The following GLT8D2 variants were observed in gnomAD, a reference collection of about 807,000 sequenced individuals.
GLT8D2 encodes glycosyltransferase 8 domain containing 2.
Under a neutral mutation model 44.5 loss-of-function variants are expected in GLT8D2, and 45 were observed. The ratio of observed to expected loss-of-function variants is 1.01; its 90% CI spans 0.80 to 1.30. The LOEUF (loss-of-function observed/expected upper bound fraction) is 1.30, where lower values mean the gene tolerates loss of function less well. GLT8D2 is among the 50% of genes most tolerant of loss of function. The probability of loss-of-function intolerance (pLI) is 0.00; values close to 1 mark genes in which losing one functional copy is unlikely to be tolerated. For missense variants in GLT8D2, 400 were observed against 430.4 expected, an observed-to-expected ratio of 0.93 and a Z score of 0.62; for synonymous variants, 156 against 157.2, an observed-to-expected ratio of 0.99 and a Z score of 0.06.
At chr12:103,998,898 A>G (rs1593530653) in intron 6 of GLT8D2, among the ~76,000 whole-genome samples, 2 of 152,236 alleles carry the variant, frequency 1.3e-5, no homozygotes, top group East Asian at 3.8e-4. Flanking sequence ...GAACTCTTGC[A>G]GTAAAATACC....
At chr12:104,030,629 A>ATATACCTGTAATATATTT in intron 1 of GLT8D2, 1 of 1,242,056 alleles carries the variant, frequency 8.1e-7, no homozygotes, top group Non-Finnish European at 1.1e-6. Flanking sequence ...ATTATTTACA[A>ATATACCTGTAATATATTT]ACCATATACC....
chr12:104,002,551 AT>A (rs2136297601), intron 5 of GLT8D2, among the ~76,000 whole-genome samples: 1 of 152,282 alleles, frequency 6.6e-6, no homozygotes, highest in South Asian at 2.1e-4. Context: ...CCAAACCAAG[AT>A]TTTACAATTA....
At chr12:104,059,366 T>G (rs1882435337) in intron 1 of GLT8D2, among the ~76,000 whole-genome samples, 1 of 152,212 alleles carries the variant, frequency 6.6e-6, no homozygotes, top group Non-Finnish European at 1.5e-5. Context: ...GGAGCTGCTC[T>G]ACTTCACTAA....
chr12:104,062,350 G>A (rs1231280263), intron 1 of GLT8D2, among the ~76,000 whole-genome samples: 1 of 152,090 alleles, frequency 6.6e-6, no homozygotes, highest in African/African-American at 2.4e-5. Flanking sequence ...TGGGATTACA[G>A]GTGTGAGCCA....
chr12:104,020,193 A>T (rs776035681), intron 2 of GLT8D2, among the ~76,000 whole-genome samples: 4 of 152,078 alleles, frequency 2.6e-5, no homozygotes, highest in Non-Finnish European at 4.4e-5. Flanking sequence ...AAGTGCTGGG[A>T]TTATAGATGT....
upstream of GLT8D2, among the ~76,000 whole-genome samples, chr12:104,050,850 T>G (rs1184912882): frequency 2.7e-5 from 4 of 150,452 alleles, no homozygotes; most frequent in Non-Finnish European, 4.4e-5. Context: ...AGTCTCCCTC[T>G]GTCTCCCAGG....
intron 4 of GLT8D2, among the ~76,000 whole-genome samples, chr12:104,011,650 A>G (rs1189380794): frequency 6.6e-6 from 1 of 152,216 alleles, no homozygotes; most frequent in East Asian, 1.9e-4. Context: ...GCCTCTGGAC[A>G]TCAACTTAGA....
At chr12:104,055,009 A>T (rs1882056540), upstream of GLT8D2, among the ~76,000 whole-genome samples, 1 of 152,192 alleles carries the variant, frequency 6.6e-6, no homozygotes, top group South Asian at 2.1e-4. Context: ...AAACATGGTT[A>T]AGAGATGATG....
At chr12:104,013,002 C>G (rs1876077589) in intron 4 of GLT8D2, among the ~76,000 whole-genome samples, 2 of 152,174 alleles carry the variant, frequency 1.3e-5, no homozygotes, top group Non-Finnish European at 2.9e-5. Context: ...GCCTCCAGAA[C>G]CAGAGAAAAT....
rs76804981 is a variant in GLT8D2 at position 103,991,956 on chromosome 12, T to C, written c.880+1436A>G. On this transcript the variant is annotated intron_variant, in intron 10 of 10. Transcript: ENST00000360814. ...GGCAATGTAATGGACACTTGGTAAATATAAGTGCATATCCATTGCCTACAA... is the reference window on the plus strand; with the variant it reads ...GGCAATGTAATGGACACTTGGTAAACATAAGTGCATATCCATTGCCTACAA... Among the ~76,000 whole-genome samples, 487 of 151,978 alleles carry C rather than the reference T, an allele frequency of 3.2e-3. 13 individuals are homozygous for C. The East Asian group carries it at 0.074, about 23-fold the overall frequency.
chr12:104,009,763 C>T (rs1875574818), intron 4 of GLT8D2, among the ~76,000 whole-genome samples: 1 of 152,108 alleles, frequency 6.6e-6, no homozygotes, highest in Non-Finnish European at 1.5e-5. Flanking sequence ...GATGGTTTCT[C>T]CCATACTGTT....
chr12:104,049,273 T>G (rs1219053823), intron 1 of GLT8D2: 1 of 151,990 alleles, frequency 6.6e-6, no homozygotes, highest in Non-Finnish European at 1.5e-5. Context: ...TTTACTCTCA[T>G]GTTAACTATC....
chr12:104,048,092 C>A (rs1351659856), intron 1 of GLT8D2, among the ~76,000 whole-genome samples: 1 of 152,144 alleles, frequency 6.6e-6, no homozygotes, highest in African/African-American at 2.4e-5. Flanking sequence ...TTTCTATATA[C>A]CAGTACAACA....
At chr12:103,991,866 T>G (rs912813116) in intron 10 of GLT8D2, among the ~76,000 whole-genome samples, 1 of 150,888 alleles carries the variant, frequency 6.6e-6, no homozygotes, top group African/African-American at 2.4e-5. Context: ...CATAACACCT[T>G]GCAGGGTTGT....
chr12:104,014,453 C>T, intron 4 of GLT8D2: 1 of 583,836 alleles, frequency 1.7e-6, no homozygotes. Flanking sequence ...AAGGTGCCAT[C>T]TCAGGCAATT....
chr12:103,989,183 G>A lies in GLT8D2; in HGVS notation c.*225C>T, dbSNP rs1445064653. 2 of 367,372 alleles carry A rather than the reference G, an allele frequency of 5.4e-6. No individual in the cohort carries two copies. Among genetic ancestry groups the A allele is most frequent in the African/African-American group, 2.1e-5 (1 of 47,992 alleles). 22.8% of individuals were successfully genotyped at this position (367,372 alleles called of 1,614,324 possible). A position where few individuals can be genotyped will look rare whatever the true frequency, so the allele number is the denominator to read the frequency against. On this transcript the variant is annotated 3_prime_UTR_variant, in exon 11 of 11. Transcript: ENST00000360814. ...TATCTAGATGGGTCTCTTCCTTTAT[G>A]TTTTTCAGTCACATAATCTTGATTT...
chr12:104,009,083 C>T (rs1226707947), intron 4 of GLT8D2, among the ~76,000 whole-genome samples: 1 of 152,234 alleles, frequency 6.6e-6, no homozygotes, highest in African/African-American at 2.4e-5. Flanking sequence ...TACTGGGGCA[C>T]TGCCTAGTGG....
Position 104,016,728 on chromosome 12 carries a change from A to G in GLT8D2, c.20-1623T>C, listed in dbSNP as rs1225134963. 2.5e-3 allele frequency among the ~76,000 whole-genome samples: 173 copies of G among 68,354 alleles called. 2 individuals carry two copies. The highest frequency in any genetic ancestry group is 4.0e-3 in the Non-Finnish European group (131 of 32,532). 44.8% of individuals were successfully genotyped at this position (68,354 alleles called of 152,430 possible). On this transcript the variant is annotated intron_variant, in intron 3 of 10. Transcript: ENST00000360814. ...GGGAGAGAGAAAGAAAGAAAGAAAG[A>G]AAGAAAGAAAGAAAGAAAGAAAGAA... is the stretch of plus-strand genomic sequence containing the variant.
intron 4 of GLT8D2, among the ~76,000 whole-genome samples, chr12:104,008,327 A>C (rs1225251981): frequency 6.6e-6 from 1 of 152,196 alleles, no homozygotes; most frequent in Non-Finnish European, 1.5e-5. Flanking sequence ...ACTGGAACAA[A>C]GGTGACTTTT....
Sources: allele counts gnomAD v4.1 joint callset (sites outside exome capture counted in the v4.1 genomes callset), GRCh38; gene constraint gnomAD v4.1.1; transcripts MANE v1.5; gene names NCBI Gene and HGNC (gene_info 2026-07-23, HGNC 2026-07-21).